The following ST7 variants were observed in gnomAD, a reference collection of about 807,000 sequenced individuals.
ST7 encodes the protein suppression of tumorigenicity 7.
In ST7, 28 loss-of-function variants were observed where a neutral mutation model predicts 78.7. That is an observed-to-expected ratio of 0.36 (90% CI 0.26 to 0.49). The LOEUF is 0.49. Among genes scored for constraint, ST7 ranks in the 20% least tolerant of loss-of-function variants. ST7 has a pLI of 0.99. For missense variants in ST7, 418 were observed against 696.0 expected, an observed-to-expected ratio of 0.60 and a Z score of 4.49; for synonymous variants, 247 against 249.6, an observed-to-expected ratio of 0.99 and a Z score of 0.10.
At chr7:117,129,645 ACC>A (rs1256436757) in intron 3 of ST7, 146 bp from the exon 4 acceptor site, 1 of 686,690 alleles carries the variant, frequency 1.5e-6, no homozygotes, top group Non-Finnish European at 2.5e-6. Context: ...GTGATTAACC[ACC>A]CAGAGTTTTT....
At chr7:117,101,387 C>G (rs1444730858) in intron 2 of ST7, among the ~76,000 whole-genome samples, 1 of 152,152 alleles carries the variant, frequency 6.6e-6, no homozygotes, top group Non-Finnish European at 1.5e-5. Context: ...TCCACAATTT[C>G]CAGCTCTTTC....
At chr7:117,073,906 C>A (rs1799156764) in intron 1 of ST7, 1 of 152,070 alleles carries the variant, frequency 6.6e-6, no homozygotes, top group Non-Finnish European at 1.5e-5. Flanking sequence ...TTGAACATTT[C>A]TTGAAGTATT....
At position 117,004,735 on chromosome 7, in the gene ST7, C is replaced by T. The variant is rs1563006255; in HGVS notation, c.151+51044C>T. On this transcript the variant is annotated intron_variant, in intron 1 of 15. Transcript: ENST00000323984. The stretch of plus-strand genomic sequence containing the variant: ...ATGACTACGAACTCTCATTTTTCTC[C>T]TGTAATACTTTAGAGGTAAATGCTT... Among the ~76,000 whole-genome samples the T allele has an allele frequency of 2.0e-5, 3 of 152,166 alleles. No homozygotes were observed. In the East Asian group the frequency reaches 5.8e-4, roughly 29 times the overall value.
chr7:117,097,422 T>C (rs567119901), intron 1 of ST7, among the ~76,000 whole-genome samples: 140 of 150,630 alleles, frequency 9.3e-4, no homozygotes, highest in African/African-American at 3.1e-3. Context: ...GCCTCCCGGG[T>C]TCAAACGATT....
At position 117,105,241 on chromosome 7, in the gene ST7, T is replaced by G. The variant is rs189662008; in HGVS notation, c.234+5397T>G. On this transcript the variant is annotated intron_variant, in intron 2 of 15. Coordinates refer to ENST00000323984, the MANE Select transcript of ST7 (RefSeq NM_001369598.1). ...GTACAGAAAGACATATATTGCATAT[T>G]CTCACTCATATATGGGAGTTTAAAA... Among the ~76,000 whole-genome samples, 107 of 152,334 alleles carry G rather than the reference T, an allele frequency of 7.0e-4. 1 individual carries two copies. The highest frequency in any genetic ancestry group is 2.3e-3 in the African/African-American group (95 of 41,564).
chr7:116,959,293 T>A (rs944014710), intron 1 of ST7: 8 of 470,162 alleles, frequency 1.7e-5, no homozygotes, highest in African/African-American at 1.6e-4. Flanking sequence ...TCAGTTCTAA[T>A]TCTAGTTATT....
At chr7:116,964,726 G>T (rs1175266607) in intron 1 of ST7, among the ~76,000 whole-genome samples, 5 of 151,992 alleles carry the variant, frequency 3.3e-5, no homozygotes, top group South Asian at 2.1e-4. Flanking sequence ...ATTTTAAATT[G>T]TACCCTTACA....
intron 1 of ST7, among the ~76,000 whole-genome samples, chr7:116,966,946 A>G (rs573567997): frequency 6.6e-6 from 1 of 152,350 alleles, no homozygotes; most frequent in Admixed American, 6.5e-5. Flanking sequence ...CACAGGATGT[A>G]ACAAATTATC....
intron 12 of ST7, among the ~76,000 whole-genome samples, chr7:117,208,434 C>G (rs1264011136): frequency 6.6e-6 from 1 of 152,198 alleles, no homozygotes; most frequent in Admixed American, 6.5e-5. Context: ...CTTCCCTACT[C>G]TTCCTGCTTT....
At chr7:117,127,501 A>G (rs1331392174) in intron 3 of ST7, among the ~76,000 whole-genome samples, 3 of 151,982 alleles carry the variant, frequency 2.0e-5, no homozygotes, top group Non-Finnish European at 2.9e-5. Flanking sequence ...TTCTTAAAAT[A>G]AAAATATACC....
At chr7:117,056,470 TA>T (rs113778717) in intron 1 of ST7, among the ~76,000 whole-genome samples, 1 of 151,288 alleles carries the variant, frequency 6.6e-6, no homozygotes, top group South Asian at 2.1e-4. Context: ...CCATCTCTAC[TA>T]AAAAAAATAC....
chr7:117,132,835 A>G (rs1804478851), intron 6 of ST7, among the ~76,000 whole-genome samples: 1 of 151,770 alleles, frequency 6.6e-6, no homozygotes, highest in Admixed American at 6.6e-5. Flanking sequence ...CATATTTCTG[A>G]GAAAAATATG....
intron 1 of ST7, chr7:117,020,739 T>A: frequency 6.8e-7 from 1 of 1,465,708 alleles, no homozygotes. Flanking sequence ...AACCTTTGTA[T>A]TTTGGCTCTA....
At chr7:117,115,040 G>A (rs1157231404) in intron 2 of ST7, among the ~76,000 whole-genome samples, 1 of 152,130 alleles carries the variant, frequency 6.6e-6, no homozygotes, top group Non-Finnish European at 1.5e-5. Context: ...CTTGCCAAAT[G>A]GATCTTTGTT....
chr7:117,196,970 G>A (rs892190164), intron 12 of ST7, among the ~76,000 whole-genome samples: 2 of 152,076 alleles, frequency 1.3e-5, no homozygotes, highest in Non-Finnish European at 2.9e-5. Context: ...TGTGTATGGT[G>A]TAAGATAAGA....
At chr7:117,019,222 A>C (rs928681256) in intron 1 of ST7, among the ~76,000 whole-genome samples, 1 of 152,188 alleles carries the variant, frequency 6.6e-6, no homozygotes, top group Non-Finnish European at 1.5e-5. Flanking sequence ...TTACGTATAT[A>C]TGTATATATA....
chr7:117,153,491 G>A (rs922610936), intron 9 of ST7, among the ~76,000 whole-genome samples: 2 of 152,136 alleles, frequency 1.3e-5, no homozygotes, highest in African/African-American at 4.8e-5. Flanking sequence ...TCAGTCAAAG[G>A]ATACTTAAAA....
At chr7:117,107,135 A>G (rs1247557575) in intron 2 of ST7, among the ~76,000 whole-genome samples, 2 of 152,134 alleles carry the variant, frequency 1.3e-5, no homozygotes, top group African/African-American at 2.4e-5. Flanking sequence ...ATATGTATAC[A>G]TACACACACA....
chr7:117,042,177 T>C (rs1797265456), intron 1 of ST7, among the ~76,000 whole-genome samples: 1 of 152,256 alleles, frequency 6.6e-6, no homozygotes, highest in African/African-American at 2.4e-5. Flanking sequence ...TAATCAAGTG[T>C]TTAAAAAAGA....
Sources: allele counts gnomAD v4.1 joint callset (sites outside exome capture counted in the v4.1 genomes callset), GRCh38; gene constraint gnomAD v4.1.1; transcripts MANE v1.5; gene names NCBI Gene and HGNC (gene_info 2026-07-23, HGNC 2026-07-21).